Variants in ANKFY1 observed in about 807,000 individuals in gnomAD.
ANKFY1 encodes the protein ankyrin repeat and FYVE domain containing 1.
Under a neutral mutation model 128.3 loss-of-function variants are expected in ANKFY1, and 47 were observed. That is an observed-to-expected ratio of 0.37 (90% CI 0.29 to 0.47). The LOEUF (loss-of-function observed/expected upper bound fraction) is 0.47. Among genes scored for constraint, ANKFY1 ranks in the 20% least tolerant of loss-of-function variants. The pLI, the probability that ANKFY1 is intolerant of heterozygous loss-of-function variation, is 1.00. For missense variants in ANKFY1, 1,222 were observed against 1,510.6 expected (o/e 0.81, Z 3.17); for synonymous variants, 553 against 601.6 (o/e 0.92, Z 1.18).
At position 4,208,025 on chromosome 17, in the gene ANKFY1, T is replaced by C; in HGVS notation, c.640A>G (p.Ile214Val). 6.2e-7 allele frequency: 1 copy of C among 1,611,752 alleles called. No individual in the cohort carries two copies. The change falls in exon 6 of 25, where the codon ATC (isoleucine) becomes GTC (valine). Residue 214 changes from isoleucine (I) to valine (V), a missense_variant. Ile to Val is a conservative substitution (Grantham distance 29). Transcript: ENST00000341657. The stretch of plus-strand genomic sequence containing the variant: ...AGCGGGTACTCTGTCTTGGATTTGA[T>C]CATTTTGTATAACAACTGAGCGCTC... ...SMSAQLLYKMIKSKTEYPLHK... is the reference protein window; with the variant it reads ...SMSAQLLYKMVKSKTEYPLHK...
At chr17:4,173,816 C>A in intron 20 of ANKFY1, 93 bp downstream of exon 20, 1 of 1,488,186 alleles carries the variant, frequency 6.7e-7, no homozygotes, top group Non-Finnish European at 9.1e-7. Flanking sequence ...AAAAGCCAAC[C>A]TCCCCAGTGG....
chr17:4,237,771 C>T (rs1966981847), intron 2 of ANKFY1, among the ~76,000 whole-genome samples: 2 of 152,030 alleles, frequency 1.3e-5, no homozygotes, highest in Admixed American at 1.3e-4. Flanking sequence ...CAAGTCCAGT[C>T]CATGAGGATT....
Position 4,173,373 on chromosome 17 carries a change from C to T in ANKFY1, c.2995G>A (p.Ala999Thr), listed in dbSNP as rs747203838. Residue 999 changes from alanine (A) to threonine (T), a missense_variant, in exon 21 of 25, where the codon GCC becomes ACC. Ala to Thr is a moderately conservative substitution (Grantham distance 58). Transcript: ENST00000341657. ...RVLLTECTVD[A>T]EAFNLRGQSP... ...GCTCACCTGAGATTAAAGGCTTCGG[C>T]GTCCACTGTGCACTCTGTCAGGAGA... 16 of 1,614,006 alleles carry T rather than the reference C, an allele frequency of 9.9e-6. No individual in the cohort carries two copies. Among genetic ancestry groups the T allele is most frequent in the African/African-American group, 4.0e-5 (3 of 74,936 alleles).
chr17:4,260,019 G>A (rs1015818940), intron 1 of ANKFY1, among the ~76,000 whole-genome samples: 4 of 152,142 alleles, frequency 2.6e-5, no homozygotes, highest in Admixed American at 6.5e-5. Flanking sequence ...CACAAAGAAC[G>A]CAAAAAAGTC....
chr17:4,246,100 G>A (rs78897022), intron 1 of ANKFY1, among the ~76,000 whole-genome samples: 10,612 of 152,142 alleles, frequency 0.07, 490 homozygotes, highest in South Asian at 0.15. Flanking sequence ...GAGTAATAGA[G>A]AAGACAGGCA....
At chr17:4,184,668 T>A in intron 12 of ANKFY1, 150 bp downstream of exon 12, 1 of 813,188 alleles carries the variant, frequency 1.2e-6, no homozygotes, top group Non-Finnish European at 2.0e-6. Flanking sequence ...CCAGACTACA[T>A]GCTTCTCTAG....
rs1453581458 is a variant in ANKFY1, at chr17:4,180,057, CTG to C, written c.2241-182_2241-181del. ...CGGGGTTCCACTCCCATAGATTCTT[CTG>C]TGACTGGTCTTGGGGGTGGGCAACC... On this transcript the variant is annotated intron_variant, in intron 16 of 24. Coordinates refer to ENST00000341657, the MANE Select transcript of ANKFY1 (RefSeq NM_001330063.2). 1.1e-5 allele frequency: 8 copies of C among 740,228 alleles called. No individual in the cohort carries two copies. The East Asian group carries it at 1.8e-4, about 17-fold the overall frequency. 45.9% of individuals were successfully genotyped at this position (740,228 alleles called of 1,614,324 possible). A position where few individuals can be genotyped will look rare whatever the true frequency, so the allele number is the denominator to read the frequency against.
At chr17:4,253,204 G>A (rs988276987) in intron 1 of ANKFY1, among the ~76,000 whole-genome samples, 12 of 152,150 alleles carry the variant, frequency 7.9e-5, no homozygotes, top group African/African-American at 2.7e-4. Flanking sequence ...CTGGGCGACA[G>A]AGCCAGACTC....
chr17:4,177,453 C>G (rs2059429199), intron 18 of ANKFY1, 151 bp from the exon 19 acceptor site: 1 of 658,476 alleles, frequency 1.5e-6, no homozygotes. Flanking sequence ...ACATGAAACG[C>G]CATCCCCCAA....
At chr17:4,182,409 C>CA in intron 14 of ANKFY1, 60 bp from the exon 15 acceptor site, 1 of 1,346,216 alleles carries the variant, frequency 7.4e-7, no homozygotes, top group African/African-American at 1.5e-5. Context: ...ACAGAAGGTG[C>CA]CCTTCTGGGC....
intron 7 of ANKFY1, among the ~76,000 whole-genome samples, chr17:4,200,063 A>ATTT (rs71383528): frequency 7.0e-6 from 1 of 142,952 alleles, no homozygotes; most frequent in Non-Finnish European, 1.5e-5. Context: ...GGTTTTGGGG[A>ATTT]TTTTTTTTTT....
In ANKFY1 at chr17:4,263,839, C is replaced by A. The variant is rs879120660; in HGVS notation, c.10+93G>T. 52 of 1,611,312 alleles carry A rather than the reference C, an allele frequency of 3.2e-5. 1 individual carries two copies. In the South Asian group the frequency reaches 5.3e-4, roughly 16 times the overall value. ...GACCCGCGGAGCCCCCATGCAACCACGCCCGGCCTTCCCCTCCCACGGCAG... is the reference window on the plus strand; with the variant it reads ...GACCCGCGGAGCCCCCATGCAACCAAGCCCGGCCTTCCCCTCCCACGGCAG... On this transcript the variant is annotated intron_variant, in intron 1 of 24. Transcript: ENST00000341657.
At chr17:4,214,370 C>T (rs549846919) in intron 4 of ANKFY1, among the ~76,000 whole-genome samples, 1 of 152,064 alleles carries the variant, frequency 6.6e-6, no homozygotes, top group Non-Finnish European at 1.5e-5. Flanking sequence ...CCAAGGAACA[C>T]GTAATCTTAT....
In ANKFY1 at chr17:4,183,548, A is replaced by G. The variant is rs1181404639; in HGVS notation, c.1802T>C (p.Met601Thr). ...TVLGLALWTGMHTIAAQLLGS... is the reference protein window; with the variant it reads ...TVLGLALWTGTHTIAAQLLGS... The stretch of plus-strand genomic sequence containing the variant: ...CAGCAGCTGGGCTGCGATCGTGTGC[A>G]TGCCTGGGAAACAAGCCCCGATCTC... The change falls in exon 14 of 25, where the codon ATG (methionine) becomes ACG (threonine). Residue 601 changes from methionine (M) to threonine (T), a missense_variant. Met to Thr is a moderately conservative substitution (Grantham distance 81, BLOSUM62 -1). Coordinates refer to ENST00000341657, the MANE Select transcript of ANKFY1 (RefSeq NM_001330063.2). The G allele has an allele frequency of 5.0e-6, 8 of 1,612,020 alleles. No individual in the cohort carries two copies. Among genetic ancestry groups the G allele is most frequent in the African/African-American group, 4.0e-5 (3 of 74,976 alleles).
rs754150215 is a variant in ANKFY1, at chr17:4,208,002, C to T, written c.663G>A (p.Pro221=). 10 of 1,611,424 alleles carry T rather than the reference C, an allele frequency of 6.2e-6. No homozygotes were observed. The highest frequency in any genetic ancestry group is 1.3e-5 in the African/African-American group (1 of 74,948). The change falls in exon 6 of 25, where the codon CCG becomes CCA. Residue 221 remains proline (P), a synonymous_variant. Coordinates refer to ENST00000341657, the MANE Select transcript of ANKFY1 (RefSeq NM_001330063.2). ...TCTCCACTTTGATGGCTTTATGTAG[C>T]GGGTACTCTGTCTTGGATTTGATCA... The part of the protein sequence containing the change: ...YKMIKSKTEY[P]LHKAIKVERE...
chr17:4,213,213 CAG>C (rs1331149667), intron 4 of ANKFY1, among the ~76,000 whole-genome samples: 3 of 151,844 alleles, frequency 2.0e-5, no homozygotes, highest in Admixed American at 6.6e-5. Flanking sequence ...TTTTTTGAGA[CAG>C]AGTGTGCTCT....
intron 1 of ANKFY1, among the ~76,000 whole-genome samples, chr17:4,259,752 G>A (rs764684596): frequency 6.6e-6 from 1 of 152,220 alleles, no homozygotes; most frequent in Non-Finnish European, 1.5e-5. Context: ...GCTAGCAGGT[G>A]ATGCTCAATA....
At chr17:4,194,759 G>C in intron 10 of ANKFY1, 1 of 555,314 alleles carries the variant, frequency 1.8e-6, no homozygotes, top group Non-Finnish European at 3.2e-6. Context: ...TAAATAAATG[G>C]AAGTTTCAGT....
chr17:4,212,913 G>C (rs1050777108), intron 4 of ANKFY1, among the ~76,000 whole-genome samples: 1 of 151,524 alleles, frequency 6.6e-6, no homozygotes, highest in Non-Finnish European at 1.5e-5. Context: ...TGGGATTACA[G>C]GCATGTGCCG....
Sources: gnomAD v4.1 joint callset for allele counts (sites outside exome capture counted in the v4.1 genomes callset) on GRCh38, gnomAD v4.1.1 for gene constraint, MANE v1.5 for transcripts, NCBI Gene and HGNC (gene_info 2026-07-23, HGNC 2026-07-21) for gene names.